Variants in TNR observed in about 807,000 individuals in gnomAD.
TNR encodes tenascin-R.
TNR carries 45 observed loss-of-function variants against 150.4 expected under a neutral mutation model. The observed-to-expected ratio is 0.30, with a 90% CI of 0.24 to 0.38. TNR has a LOEUF of 0.38. TNR is among the 10% of genes least tolerant of loss of function. The pLI, the probability that TNR is intolerant of heterozygous loss-of-function variation, is 1.00. For missense variants in TNR, 1,544 were observed against 1,759.1 expected, an observed-to-expected ratio of 0.88 and a Z score of 2.19; for synonymous variants, 687 against 678.4, an observed-to-expected ratio of 1.01 and a Z score of -0.20.
chr1:175,727,435 T>C (rs1203834746), intron 1 of TNR, among the ~76,000 whole-genome samples: 2 of 152,116 alleles, frequency 1.3e-5, no homozygotes, highest in Non-Finnish European at 2.9e-5. Flanking sequence ...GGAAGCCTGC[T>C]TGGGAGAAGA....
chr1:175,615,330 T>C (rs1571678506), intron 1 of TNR, among the ~76,000 whole-genome samples: 3 of 152,354 alleles, frequency 2.0e-5, no homozygotes. Context: ...GCACCAAGCC[T>C]GGACTTCAGT....
At chr1:175,496,564 A>G (rs1436111255) in intron 2 of TNR, among the ~76,000 whole-genome samples, 1 of 152,184 alleles carries the variant, frequency 6.6e-6, no homozygotes, top group African/African-American at 2.4e-5. Flanking sequence ...GTAGCGCTTA[A>G]CATTTATTAA....
At chr1:175,620,443 T>C (rs756970246) in intron 1 of TNR, among the ~76,000 whole-genome samples, 20 of 152,232 alleles carry the variant, frequency 1.3e-4, no homozygotes, top group Admixed American at 1.3e-3. Context: ...CGCCTTTCCC[T>C]TAACCTGGCT....
At chr1:175,482,736 C>T (rs902693214) in intron 2 of TNR, among the ~76,000 whole-genome samples, 2 of 152,090 alleles carry the variant, frequency 1.3e-5, no homozygotes, top group Non-Finnish European at 2.9e-5. Context: ...GCATTAAGAC[C>T]CCTCTACTCC....
intron 1 of TNR, among the ~76,000 whole-genome samples, chr1:175,669,758 G>A (rs1665640397): frequency 6.6e-6 from 1 of 152,206 alleles, no homozygotes; most frequent in Non-Finnish European, 1.5e-5. Context: ...CTGGGAGTAG[G>A]CAAGAACAGA....
chr1:175,433,841 A>G (rs373444050), intron 2 of TNR, among the ~76,000 whole-genome samples: 2 of 152,192 alleles, frequency 1.3e-5, no homozygotes, highest in Non-Finnish European at 2.9e-5. Context: ...ATCTATAAAC[A>G]TCAAGCCCAT....
At chr1:175,443,919 A>C (rs972185285) in intron 2 of TNR, among the ~76,000 whole-genome samples, 1 of 152,188 alleles carries the variant, frequency 6.6e-6, no homozygotes, top group African/African-American at 2.4e-5. Flanking sequence ...TTGGGGTAGA[A>C]GATCTGCAGA....
intron 1 of TNR, among the ~76,000 whole-genome samples, chr1:175,559,430 G>C (rs747378596): frequency 1.3e-5 from 2 of 152,054 alleles, no homozygotes; most frequent in Non-Finnish European, 2.9e-5. Context: ...GCTTAAGAAA[G>C]AAAACATTTT....
chr1:175,454,370 TTC>T (rs1368930770), intron 2 of TNR, among the ~76,000 whole-genome samples: 3 of 152,186 alleles, frequency 2.0e-5, no homozygotes, highest in Non-Finnish European at 2.9e-5. Context: ...AACTAAGACA[TTC>T]TCTCTTTCCC....
intron 1 of TNR, among the ~76,000 whole-genome samples, chr1:175,731,645 G>A (rs1299919939): frequency 1.3e-5 from 2 of 152,098 alleles, no homozygotes; most frequent in Non-Finnish European, 2.9e-5. Context: ...GAGGCACGGC[G>A]GGCAGAGCCA....
intron 15 of TNR, among the ~76,000 whole-genome samples, chr1:175,357,582 T>C (rs1651391742): frequency 6.6e-6 from 1 of 152,258 alleles, no homozygotes; most frequent in Non-Finnish European, 1.5e-5. Context: ...TTCAGACTTC[T>C]TACACTCTCA....
At chr1:175,397,311 G>A (rs1355370366) in intron 4 of TNR, among the ~76,000 whole-genome samples, 2 of 152,076 alleles carry the variant, frequency 1.3e-5, no homozygotes, top group East Asian at 1.9e-4. Flanking sequence ...GTTTACTGAC[G>A]TCATGTTGGT....
At chr1:175,404,913 G>A (rs1276770795) in intron 3 of TNR, among the ~76,000 whole-genome samples, 1 of 152,230 alleles carries the variant, frequency 6.6e-6, no homozygotes, top group East Asian at 1.9e-4. Flanking sequence ...GGGAGGAGAA[G>A]GAGGTGAAAG....
At chr1:175,658,701 G>A (rs976507290) in intron 1 of TNR, among the ~76,000 whole-genome samples, 2 of 152,212 alleles carry the variant, frequency 1.3e-5, no homozygotes, top group Non-Finnish European at 2.9e-5. Context: ...GGGTCAGACA[G>A]ACTTTATAAT....
chr1:175,547,617 GAAACAA>G (rs1331498745), intron 1 of TNR, among the ~76,000 whole-genome samples: 2 of 17,836 alleles, frequency 1.1e-4, no homozygotes, highest in African/African-American at 2.5e-4. Context: ...AAGAAACAAA[GAAACAA>G]AGAAAGAAAG....
intron 7 of TNR, among the ~76,000 whole-genome samples, chr1:175,390,896 A>G (rs1313302586): frequency 6.6e-6 from 1 of 152,252 alleles, no homozygotes. Context: ...TGTAAAATAA[A>G]TTGAAGTTTG....
intron 1 of TNR, among the ~76,000 whole-genome samples, chr1:175,718,033 C>A (rs1002027404): frequency 6.6e-6 from 1 of 152,166 alleles, no homozygotes; most frequent in African/African-American, 2.4e-5. Flanking sequence ...ACGTAAGTAC[C>A]AAAGATGCCT....
Position 175,477,744 on chromosome 1 carries a change from G to C in TNR, c.-64+50525C>G, listed in dbSNP as rs145856122. Among the ~76,000 whole-genome samples the C allele has an allele frequency of 9.2e-5, 14 of 152,320 alleles. No homozygotes were observed. The East Asian group carries it at 9.6e-4, about 10-fold the overall frequency. ...AAAATTAGATGAAGGCTGTTCTAAC[G>C]GAGGCACACATGTACAACATAAACT... On this transcript the variant is annotated intron_variant, in intron 2 of 22. Transcript: ENST00000367674.
intron 21 of TNR, among the ~76,000 whole-genome samples, chr1:175,325,771 G>C (rs1207768398): frequency 6.6e-6 from 1 of 150,682 alleles, no homozygotes; most frequent in African/African-American, 2.4e-5. Flanking sequence ...CTCAAGGACA[G>C]AAAACCAAAC....
Sources: allele counts gnomAD v4.1 joint callset (sites outside exome capture counted in the v4.1 genomes callset), GRCh38; gene constraint gnomAD v4.1.1; transcripts MANE v1.5; gene names NCBI Gene and HGNC (gene_info 2026-07-23, HGNC 2026-07-21).